AIG1: variants seen among roughly 807,000 people sequenced by gnomAD.
The protein encoded by AIG1 is androgen-induced gene 1 protein.
In AIG1, 23 loss-of-function variants were observed where a neutral mutation model predicts 31.4. The observed-to-expected ratio is 0.73, with a 90% CI of 0.53 to 1.04. The LOEUF (loss-of-function observed/expected upper bound fraction) is 1.04, where lower values mean the gene tolerates loss of function less well. AIG1 is among the 50% of genes least tolerant of loss of function. AIG1 has a pLI of 0.00. For synonymous variants in AIG1, 100 were observed against 110.5 expected, an observed-to-expected ratio of 0.90 and a Z score of 0.60; for missense variants, 274 against 295.0, an observed-to-expected ratio of 0.93 and a Z score of 0.52.
intron 1 of AIG1, among the ~76,000 whole-genome samples, chr6:143,076,130 T>C (rs1777707263): frequency 6.6e-6 from 1 of 152,240 alleles, no homozygotes; most frequent in Non-Finnish European, 1.5e-5. Flanking sequence ...GCTTGTTTTC[T>C]GGGTCTCTCA....
At chr6:143,254,381 TA>T (rs1795222632) in intron 3 of AIG1, among the ~76,000 whole-genome samples, 1 of 152,280 alleles carries the variant, frequency 6.6e-6, no homozygotes, top group African/African-American at 2.4e-5. Flanking sequence ...ATGACAAATT[TA>T]AAACAACTTA....
rs537746133 is a variant in AIG1 at position 143,289,753 on chromosome 6, A to T, written c.515+5528A>T. Among the ~76,000 whole-genome samples the T allele has an allele frequency of 2.8e-3, 424 of 152,292 alleles. 3 individuals are homozygous for T. Among genetic ancestry groups the T allele is most frequent in the African/African-American group, 9.3e-3 (386 of 41,556 alleles). ...TACATACAGTATTTGTAAGCCAGAG[A>T]AAAAATTCTCAAACATAAAAATAAG... On this transcript the variant is annotated intron_variant, in intron 4 of 5. Transcript: ENST00000357847.
At chr6:143,122,015 T>A (rs1388737312) in intron 1 of AIG1, among the ~76,000 whole-genome samples, 3 of 152,188 alleles carry the variant, frequency 2.0e-5, no homozygotes, top group Non-Finnish European at 4.4e-5. Context: ...TTAGTGTACC[T>A]TATAAAGCAG....
chr6:143,091,587 C>A lies in AIG1; in HGVS notation c.141+30521C>A, dbSNP rs188410906. ...CTATCTTTGAAAGCACTAGTCTATTCCAAGGCACAGTTACGATGGTAAAAC... is the reference window on the plus strand; with the variant it reads ...CTATCTTTGAAAGCACTAGTCTATTACAAGGCACAGTTACGATGGTAAAAC... On this transcript the variant is annotated intron_variant, in intron 1 of 5. Transcript: ENST00000357847. 2.5e-3 allele frequency among the ~76,000 whole-genome samples: 386 copies of A among 152,316 alleles called. 1 individual carries two copies. The highest frequency in any genetic ancestry group is 2.4e-3 in the Non-Finnish European group (164 of 68,028).
At chr6:143,065,955 T>C (rs1776662727) in intron 1 of AIG1, among the ~76,000 whole-genome samples, 1 of 152,218 alleles carries the variant, frequency 6.6e-6, no homozygotes, top group South Asian at 2.1e-4. Flanking sequence ...TCATCCTCTC[T>C]TAGGGCCGTA....
intron 1 of AIG1, among the ~76,000 whole-genome samples, chr6:143,128,246 G>A (rs1045057610): frequency 3.3e-5 from 5 of 152,106 alleles, no homozygotes; most frequent in Non-Finnish European, 2.9e-5. Flanking sequence ...CCATACTTGC[G>A]AAAATGAATT....
At position 143,340,688 on chromosome 6, in the gene AIG1, T is replaced by G. The variant is rs1317910609; in HGVS notation, c.*1012T>G. Among the ~76,000 whole-genome samples the G allele has an allele frequency of 2.0e-5, 3 of 152,136 alleles. No homozygotes were observed. The highest frequency in any genetic ancestry group is 7.2e-5 in the African/African-American group (3 of 41,502). On this transcript the variant is annotated 3_prime_UTR_variant, in exon 6 of 6. Coordinates refer to ENST00000357847, the MANE Select transcript of AIG1 (RefSeq NM_016108.4). ...CTTGTTAGCCAGGATGGTCTCGATCTCCTGACCTTGTGATCCACACGCCTC... is the reference window on the plus strand; with the variant it reads ...CTTGTTAGCCAGGATGGTCTCGATCGCCTGACCTTGTGATCCACACGCCTC...
At position 143,256,915 on chromosome 6, in the gene AIG1, C is replaced by G. The variant is rs1369603143; in HGVS notation, c.400-27195C>G. Among the ~76,000 whole-genome samples the G allele has an allele frequency of 6.6e-6, 1 of 152,118 alleles. No individual in the cohort carries two copies. The highest frequency in any genetic ancestry group is 1.9e-4 in the East Asian group (1 of 5,198). ...CAAAAATTAAGACAACATACATGTC[C>G]TTTTCTTCATTTTATGACAATGGTG... On this transcript the variant is annotated intron_variant, in intron 3 of 5. Transcript: ENST00000357847. The surrounding 1 kb of genome is among the most constrained non-coding windows in gnomAD (Gnocchi z 4.6).
At chr6:143,308,414 G>A (rs1430220958) in intron 4 of AIG1, among the ~76,000 whole-genome samples, 1 of 152,202 alleles carries the variant, frequency 6.6e-6, no homozygotes, top group Non-Finnish European at 1.5e-5. Context: ...AAACAGCTTT[G>A]GATTTTTGTT....
chr6:143,103,315 T>A (rs564606543), intron 1 of AIG1, among the ~76,000 whole-genome samples: 2 of 152,254 alleles, frequency 1.3e-5, no homozygotes, highest in South Asian at 4.1e-4. Context: ...TGTTGGATTC[T>A]AAGGTAACAT....
At chr6:143,202,523 G>A (rs1221010387) in intron 3 of AIG1, among the ~76,000 whole-genome samples, 1 of 152,172 alleles carries the variant, frequency 6.6e-6, no homozygotes, top group Non-Finnish European at 1.5e-5. Context: ...TGCATATCAA[G>A]GACTAAAGCC....
At chr6:143,067,322 G>T (rs56096939) in intron 1 of AIG1, among the ~76,000 whole-genome samples, 1 of 152,094 alleles carries the variant, frequency 6.6e-6, no homozygotes, top group East Asian at 1.9e-4. Context: ...CTAGGTGAAG[G>T]CATTTTTGTA....
intron 1 of AIG1, among the ~76,000 whole-genome samples, chr6:143,110,490 T>C (rs1781172202): frequency 6.6e-6 from 1 of 152,216 alleles, no homozygotes; most frequent in Non-Finnish European, 1.5e-5. Flanking sequence ...AGTAAAGTTT[T>C]GGGTTTTCTT....
intron 3 of AIG1, among the ~76,000 whole-genome samples, chr6:143,226,804 C>A (rs1250114295): frequency 6.6e-6 from 1 of 151,992 alleles, no homozygotes; most frequent in Non-Finnish European, 1.5e-5. Flanking sequence ...TAATTCCCAT[C>A]CTCTCTCAGG....
chr6:143,165,223 A>G (rs1447752872), intron 3 of AIG1, 40 bp downstream of exon 3: 3 of 1,463,444 alleles, frequency 2.0e-6, no homozygotes, highest in Non-Finnish European at 2.9e-6. Context: ...TTATTTTAAA[A>G]AATCTATTAA....
At chr6:143,090,025 G>A (rs944099778) in intron 1 of AIG1, among the ~76,000 whole-genome samples, 1 of 152,192 alleles carries the variant, frequency 6.6e-6, no homozygotes, top group Admixed American at 6.5e-5. Context: ...TGTTACACAT[G>A]TGTGACCAGG....
At chr6:143,290,599 T>C (rs200850272) in intron 4 of AIG1, among the ~76,000 whole-genome samples, 2 of 152,220 alleles carry the variant, frequency 1.3e-5, no homozygotes, top group East Asian at 1.9e-4. Flanking sequence ...TGAGATCTTA[T>C]CAGGAAGCTG....
chr6:143,343,183 C>T, downstream of AIG1: 1 of 719,324 alleles, frequency 1.4e-6, no homozygotes, highest in Non-Finnish European at 2.6e-6. Context: ...GCCCTACAAT[C>T]CATTAACGCC....
chr6:143,143,516 A>T (rs1784413719), intron 2 of AIG1, among the ~76,000 whole-genome samples: 2 of 95,944 alleles, frequency 2.1e-5, no homozygotes, highest in Non-Finnish European at 4.0e-5. Flanking sequence ...AAAAAAAAAA[A>T]AAAAAAAAAA....
Sources: gnomAD v4.1 joint callset for allele counts (sites outside exome capture counted in the v4.1 genomes callset) on GRCh38, gnomAD v4.1.1 for gene constraint, Gnocchi (gnomAD v3.1) non-coding constraint, MANE v1.5 for transcripts, NCBI Gene and HGNC (gene_info 2026-07-23, HGNC 2026-07-21) for gene names.